The following CELF4 variants were observed in gnomAD, a reference collection of about 807,000 sequenced individuals.
CELF4 encodes CUGBP Elav-like family member 4, also known as CUG-BP- and ETR-3-like factor 4.
In CELF4, 18 loss-of-function variants were observed where a neutral mutation model predicts 59.9. The ratio of observed to expected loss-of-function variants is 0.30; its 90% CI spans 0.21 to 0.45. CELF4 has a LOEUF of 0.45. Among genes scored for constraint, CELF4 ranks in the 20% least tolerant of loss-of-function variants. The probability of loss-of-function intolerance (pLI) is 1.00; values close to 1 mark genes in which losing one functional copy is unlikely to be tolerated. For missense variants in CELF4, 456 were observed against 689.0 expected, an observed-to-expected ratio of 0.66 and a Z score of 3.79; for synonymous variants, 261 against 267.1, an observed-to-expected ratio of 0.98 and a Z score of 0.22.
intron 2 of CELF4, among the ~76,000 whole-genome samples, chr18:37,427,624 G>A (rs2099622283): frequency 6.6e-6 from 1 of 152,112 alleles, no homozygotes; most frequent in African/African-American, 2.4e-5. Flanking sequence ...TTCCCTGCAG[G>A]TTCCCCAGCT....
intron 2 of CELF4, among the ~76,000 whole-genome samples, chr18:37,326,157 C>A (rs899625363): frequency 6.6e-6 from 1 of 152,094 alleles, no homozygotes; most frequent in East Asian, 1.9e-4. Context: ...CAAGGCAGAG[C>A]ATGACGACAG....
Position 37,421,921 on chromosome 18 carries a change from C to T in CELF4, c.369+63604G>A, listed in dbSNP as rs116227547. Among the ~76,000 whole-genome samples, 1,081 of 152,342 alleles carry T rather than the reference C, an allele frequency of 7.1e-3. 12 individuals carry two copies. The highest frequency in any genetic ancestry group is 0.025 in the African/African-American group (1,050 of 41,564). Reference sequence around the variant, plus strand: ...TCACACCTCCCTCTGGTCACCCACGCGGTGTCTTTTTAGAAAGCAGCAGAA... The same window carrying T: ...TCACACCTCCCTCTGGTCACCCACGTGGTGTCTTTTTAGAAAGCAGCAGAA... On this transcript the variant is annotated intron_variant, in intron 2 of 12. Coordinates refer to ENST00000420428, the MANE Select transcript of CELF4 (RefSeq NM_020180.4).
At chr18:37,479,267 T>C (rs1402371481) in intron 2 of CELF4, among the ~76,000 whole-genome samples, 1 of 152,230 alleles carries the variant, frequency 6.6e-6, no homozygotes, top group Non-Finnish European at 1.5e-5. Flanking sequence ...TTTGGGCTTG[T>C]TCCCTGAATG....
rs1185539969 is a variant in CELF4, at chr18:37,342,736, A to C, written c.370-20855T>G. ...CCTCCATGTGGGAAAGAATGGGGGA[A>C]ATAATAATCCATATTGAGCTAATGT... On this transcript the variant is annotated intron_variant, in intron 2 of 12. Transcript: ENST00000420428. Among the ~76,000 whole-genome samples, 7 of 152,342 alleles carry C rather than the reference A, an allele frequency of 4.6e-5. No homozygotes were observed. In the East Asian group the frequency reaches 1.3e-3, roughly 29 times the overall value.
chr18:37,460,161 G>A (rs1387213786), intron 2 of CELF4, among the ~76,000 whole-genome samples: 2 of 152,144 alleles, frequency 1.3e-5, no homozygotes, highest in Non-Finnish European at 2.9e-5. Flanking sequence ...CTGAACATGA[G>A]TGGGTCTGTG....
chr18:37,485,454 C>G, intron 2 of CELF4, 71 bp downstream of exon 2: 1 of 1,005,574 alleles, frequency 9.9e-7, no homozygotes, highest in Non-Finnish European at 1.2e-6. Context: ...CGCGCCGCGC[C>G]GCCGCCCGGC....
chr18:37,255,515 T>C (rs756174925), intron 11 of CELF4, among the ~76,000 whole-genome samples: 7 of 150,802 alleles, frequency 4.6e-5, no homozygotes, highest in Admixed American at 1.3e-4. Context: ...ATAGGGAGAA[T>C]TTCAGCTGAT....
chr18:37,508,927 T>C (rs888125326), intron 1 of CELF4, among the ~76,000 whole-genome samples: 1 of 152,196 alleles, frequency 6.6e-6, no homozygotes, highest in Admixed American at 6.5e-5. Flanking sequence ...CAGCTGTCAC[T>C]AGTGTCACCT....
At chr18:37,300,424 C>T (rs1222221857) in intron 3 of CELF4, among the ~76,000 whole-genome samples, 1 of 152,094 alleles carries the variant, frequency 6.6e-6, no homozygotes, top group African/African-American at 2.4e-5. Context: ...AGGGTTTCAC[C>T]ACATTGGCCA....
At chr18:37,546,705 C>T (rs769730093) in intron 1 of CELF4, among the ~76,000 whole-genome samples, 18 of 152,212 alleles carry the variant, frequency 1.2e-4, no homozygotes, top group East Asian at 3.9e-4. Flanking sequence ...CCAACACACA[C>T]GTGCATGCTC....
At chr18:37,294,458 C>T (rs1033807357) in intron 3 of CELF4, among the ~76,000 whole-genome samples, 1 of 152,172 alleles carries the variant, frequency 6.6e-6, no homozygotes, top group South Asian at 2.1e-4. Flanking sequence ...GGCCCTGCTC[C>T]TATGCATGGG....
chr18:37,302,583 C>G (rs562247212), intron 3 of CELF4, among the ~76,000 whole-genome samples: 1 of 152,308 alleles, frequency 6.6e-6, no homozygotes, highest in African/African-American at 2.4e-5. Context: ...CTGGAAAACA[C>G]AGCTTTCCTG....
chr18:37,560,221 T>C (rs2154606263), intron 1 of CELF4, among the ~76,000 whole-genome samples: 1 of 152,322 alleles, frequency 6.6e-6, no homozygotes, highest in South Asian at 2.1e-4. Flanking sequence ...GGGATGTGCT[T>C]AGTCATGCTT....
At chr18:37,491,229 T>C (rs2099903793) in intron 1 of CELF4, among the ~76,000 whole-genome samples, 1 of 142,186 alleles carries the variant, frequency 7.0e-6, no homozygotes, top group Non-Finnish European at 1.5e-5. Flanking sequence ...CCTCCTCTCC[T>C]CACCCGAGAG....
At chr18:37,456,754 C>T (rs2154601953) in intron 2 of CELF4, among the ~76,000 whole-genome samples, 1 of 152,258 alleles carries the variant, frequency 6.6e-6, no homozygotes, top group African/African-American at 2.4e-5. Flanking sequence ...AATCTGGGGC[C>T]TATTCCTGAT....
At chr18:37,277,424 T>TC (rs777101507) in intron 3 of CELF4, among the ~76,000 whole-genome samples, 5 of 151,628 alleles carry the variant, frequency 3.3e-5, no homozygotes, top group Non-Finnish European at 7.4e-5. Context: ...CGTGCAGCCC[T>TC]CCCCCACTTA....
chr18:37,437,585 A>G (rs1224652117), intron 2 of CELF4, among the ~76,000 whole-genome samples: 2 of 152,156 alleles, frequency 1.3e-5, no homozygotes, highest in African/African-American at 4.8e-5. Context: ...TGGAGGACCA[A>G]GGTAAGGCAT....
chr18:37,477,673 GC>G (rs2099854038), intron 2 of CELF4, among the ~76,000 whole-genome samples: 1 of 152,080 alleles, frequency 6.6e-6, no homozygotes, highest in Non-Finnish European at 1.5e-5. Context: ...CATTTTTGGG[GC>G]CCCTAAAGAT....
chr18:37,448,496 A>G (rs1049253485), intron 2 of CELF4, among the ~76,000 whole-genome samples: 10 of 152,216 alleles, frequency 6.6e-5, no homozygotes, highest in African/African-American at 2.4e-4. Flanking sequence ...CTGTGACCTC[A>G]GTGCCACGGC....
Sources: allele counts gnomAD v4.1 joint callset (sites outside exome capture counted in the v4.1 genomes callset), GRCh38; gene constraint gnomAD v4.1.1; transcripts MANE v1.5; gene names NCBI Gene and HGNC (gene_info 2026-07-23, HGNC 2026-07-21).